ANKS1B: variants seen among roughly 807,000 people sequenced by gnomAD.
ANKS1B encodes ankyrin repeat and sterile alpha motif domain-containing protein 1B.
A neutral mutation model predicts 148.3 loss-of-function variants in ANKS1B; 36 were observed. The ratio of observed to expected loss-of-function variants is 0.24; its 90% CI spans 0.19 to 0.32. ANKS1B has a LOEUF of 0.32. Ranked by LOEUF, ANKS1B falls within the 10% of genes least tolerant of loss-of-function variation. The probability of loss-of-function intolerance (pLI) is 1.00; values close to 1 mark genes in which losing one functional copy is unlikely to be tolerated. For synonymous variants in ANKS1B, 542 were observed against 560.8 expected (o/e 0.97, Z 0.47); for missense variants, 1,157 against 1,542.6 (o/e 0.75, Z 4.19).
intron 11 of ANKS1B, among the ~76,000 whole-genome samples, chr12:99,429,142 GAAACAAACAAAC>G (rs373490843): frequency 6.6e-6 from 1 of 151,886 alleles, no homozygotes; most frequent in African/African-American, 2.4e-5. Context: ...TTTCAGAAGA[GAAACAAACAAAC>G]AAACAAACAA....
intron 14 of ANKS1B, among the ~76,000 whole-genome samples, chr12:99,171,940 C>T (rs2077811426): frequency 6.6e-6 from 1 of 151,878 alleles, no homozygotes; most frequent in African/African-American, 2.4e-5. Context: ...GAGGAAATTA[C>T]CATAAAGAAT....
At chr12:99,205,122 G>A (rs2082494860) in intron 14 of ANKS1B, among the ~76,000 whole-genome samples, 1 of 152,130 alleles carries the variant, frequency 6.6e-6, no homozygotes, top group African/African-American at 2.4e-5. Flanking sequence ...ACATCACCAA[G>A]CAAAATCTAA....
At chr12:99,983,804 G>T (rs1307006079) in intron 1 of ANKS1B, among the ~76,000 whole-genome samples, 1 of 152,012 alleles carries the variant, frequency 6.6e-6, no homozygotes, top group African/African-American at 2.4e-5. Flanking sequence ...GAAAGCGGGC[G>T]GAACGTCGAT....
chr12:99,289,824 A>G (rs2079671276), intron 12 of ANKS1B, among the ~76,000 whole-genome samples: 1 of 151,952 alleles, frequency 6.6e-6, no homozygotes, highest in African/African-American at 2.4e-5. Context: ...AAGTAGAAAA[A>G]CTTTATATAA....
intron 17 of ANKS1B, among the ~76,000 whole-genome samples, chr12:98,853,903 G>A (rs995498872): frequency 1.3e-5 from 2 of 152,150 alleles, no homozygotes; most frequent in East Asian, 1.9e-4. Flanking sequence ...TGGGACAACC[G>A]ACAGGAAAGC....
intron 14 of ANKS1B, among the ~76,000 whole-genome samples, chr12:99,217,100 T>C (rs1159864802): frequency 6.6e-6 from 1 of 152,178 alleles, no homozygotes; most frequent in African/African-American, 2.4e-5. Flanking sequence ...CTTGGACCAA[T>C]GACTCAGACT....
chr12:98,824,229 A>T (rs961396364), intron 19 of ANKS1B, among the ~76,000 whole-genome samples: 1 of 152,236 alleles, frequency 6.6e-6, no homozygotes, highest in African/African-American at 2.4e-5. Context: ...TTCTACCCAG[A>T]TCCCTCTGCA....
intron 8 of ANKS1B, among the ~76,000 whole-genome samples, chr12:99,739,345 G>A (rs1348636810): frequency 3.9e-5 from 5 of 128,920 alleles, no homozygotes; most frequent in African/African-American, 1.5e-4. Flanking sequence ...TTTTTTTTGG[G>A]GGGGGCGGGG....
intron 9 of ANKS1B, among the ~76,000 whole-genome samples, chr12:99,604,633 G>A (rs1403179159): frequency 1.3e-5 from 2 of 151,674 alleles, no homozygotes; most frequent in African/African-American, 2.4e-5. Flanking sequence ...TGACCAACAT[G>A]GTGAAACCCT....
At chr12:98,952,968 C>T (rs2099856319) in intron 17 of ANKS1B, among the ~76,000 whole-genome samples, 1 of 152,068 alleles carries the variant, frequency 6.6e-6, no homozygotes, top group Admixed American at 6.5e-5. Flanking sequence ...AAGTGATCCT[C>T]CTGCCTCAGC....
chr12:99,628,924 T>C (rs1567514242), intron 9 of ANKS1B, among the ~76,000 whole-genome samples: 1 of 152,230 alleles, frequency 6.6e-6, no homozygotes, highest in Non-Finnish European at 1.5e-5. Context: ...GACATTCAAA[T>C]ATTAGTACAT....
Position 98,922,403 on chromosome 12 carries a change from C to T in ANKS1B, c.2779-90267G>A, listed in dbSNP as rs908769852. On this transcript the variant is annotated intron_variant, in intron 17 of 26. Coordinates refer to ENST00000683438, the MANE Select transcript of ANKS1B (RefSeq NM_001352186.2). ...ACAACAAAAATTCCTGCTCTCTTTA[C>T]GTTGACTCTAATTACTTCACCAGAA... Among the ~76,000 whole-genome samples, 7 of 152,150 alleles carry T rather than the reference C, an allele frequency of 4.6e-5. No homozygotes were observed. The East Asian group carries it at 9.6e-4, about 21-fold the overall frequency.
chr12:98,789,418 AGT>A (rs2098827919), intron 22 of ANKS1B, among the ~76,000 whole-genome samples: 2 of 128,542 alleles, frequency 1.6e-5, no homozygotes, highest in African/African-American at 5.8e-5. Flanking sequence ...GAAGATGTAT[AGT>A]TTTTTTTTTT....
At chr12:99,714,649 C>G (rs146595320) in intron 8 of ANKS1B, among the ~76,000 whole-genome samples, 2 of 152,126 alleles carry the variant, frequency 1.3e-5, no homozygotes, top group Non-Finnish European at 2.9e-5. Context: ...TGAATTTAAT[C>G]AATAAATGTT....
At chr12:99,779,526 T>C (rs2064033162) in intron 6 of ANKS1B, among the ~76,000 whole-genome samples, 1 of 152,194 alleles carries the variant, frequency 6.6e-6, no homozygotes. Context: ...GCTGAAAGTA[T>C]TATTCAAATG....
intron 14 of ANKS1B, among the ~76,000 whole-genome samples, chr12:99,215,017 T>A (rs11109761): frequency 0.071 from 10,744 of 152,214 alleles, 777 homozygotes; most frequent in African/African-American, 0.19. Flanking sequence ...GTGGAAGAAA[T>A]TTCTAAGCAG....
chr12:99,471,483 G>A (rs1826607683), intron 10 of ANKS1B, among the ~76,000 whole-genome samples: 1 of 152,098 alleles, frequency 6.6e-6, no homozygotes, highest in Middle Eastern at 3.4e-3. Context: ...GCAACCAGAA[G>A]TCCTTTTGTA....
intron 9 of ANKS1B, among the ~76,000 whole-genome samples, chr12:99,556,604 A>G (rs1371896148): frequency 2.0e-5 from 3 of 152,192 alleles, no homozygotes; most frequent in African/African-American, 7.2e-5. Flanking sequence ...TCCTCTTAAC[A>G]CTGCTTTAGC....
intron 1 of ANKS1B, among the ~76,000 whole-genome samples, chr12:99,974,161 G>A (rs968047257): frequency 6.6e-6 from 1 of 152,184 alleles, no homozygotes; most frequent in Non-Finnish European, 1.5e-5. Context: ...CCTTCTACCA[G>A]CAAAAGGATT....
Sources: gnomAD v4.1 joint callset for allele counts (sites outside exome capture counted in the v4.1 genomes callset) on GRCh38, gnomAD v4.1.1 for gene constraint, MANE v1.5 for transcripts, NCBI Gene and HGNC (gene_info 2026-07-23, HGNC 2026-07-21) for gene names.